USP34: variants seen among roughly 807,000 people sequenced by gnomAD.
USP34 encodes the protein ubiquitin specific peptidase 34, also known as ubiquitin carboxyl-terminal hydrolase 34.
Under a neutral mutation model 460.3 loss-of-function variants are expected in USP34, and 70 were observed. The observed-to-expected ratio is 0.15, with a 90% CI of 0.13 to 0.19. The LOEUF is 0.19. Among genes scored for constraint, USP34 ranks in the 10% least tolerant of loss-of-function variants. The pLI is 1.00. For missense variants in USP34, 3,985 were observed against 4,236.2 expected (o/e 0.94, Z 1.65); for synonymous variants, 1,647 against 1,405.3 (o/e 1.17, Z -3.85).
intron 1 of USP34, among the ~76,000 whole-genome samples, chr2:61,429,049 G>A (rs1412563743): frequency 6.6e-6 from 1 of 152,142 alleles, no homozygotes; most frequent in Non-Finnish European, 1.5e-5. Flanking sequence ...AAATAAAAAG[G>A]ATGCGCTTTG....
intron 70 of USP34, chr2:61,207,593 T>C (rs914701202): frequency 6.6e-6 from 1 of 152,202 alleles, no homozygotes; most frequent in Non-Finnish European, 1.5e-5. Flanking sequence ...GAAACCAGTA[T>C]GTCTTGTTCA....
intron 2 of USP34, among the ~76,000 whole-genome samples, chr2:61,411,043 A>G (rs1170032855): frequency 2.6e-5 from 4 of 152,174 alleles, no homozygotes; most frequent in East Asian, 1.9e-4. Context: ...AGTTTTTTCT[A>G]TACATAATGA....
Position 61,190,222 on chromosome 2 carries a change from C to T in USP34, c.9873+49G>A, listed in dbSNP as rs201281702. 1.7e-4 allele frequency: 263 copies of T among 1,549,250 alleles called. No homozygotes were observed. The African/African-American group carries it at 3.4e-3, about 20-fold the overall frequency. Reference sequence around the variant, plus strand: ...AATCATATGAAGGCCACACAGTTAACTGAAGGACAGTTTAAAAGTGTGTGC... The same window carrying T: ...AATCATATGAAGGCCACACAGTTAATTGAAGGACAGTTTAAAAGTGTGTGC... On this transcript the variant is annotated intron_variant, in intron 78 of 79. Transcript: ENST00000398571.
intron 41 of USP34, among the ~76,000 whole-genome samples, chr2:61,267,838 G>T (rs1689097932): frequency 6.6e-6 from 1 of 151,910 alleles, no homozygotes; most frequent in South Asian, 2.1e-4. Context: ...GGATGGTCTC[G>T]ATCTCCCGAC....
At chr2:61,446,797 A>T (rs1573051329) in intron 1 of USP34, among the ~76,000 whole-genome samples, 1 of 19,212 alleles carries the variant, frequency 5.2e-5, no homozygotes. Flanking sequence ...CTCCACATCA[A>T]AAAAAAAAAA....
At chr2:61,256,555 T>C in intron 47 of USP34, 77 bp from the exon 48 acceptor site, 3 of 1,198,198 alleles carry the variant, frequency 2.5e-6, no homozygotes, top group East Asian at 5.5e-5. Flanking sequence ...GCAATTACAA[T>C]TTTGACAGAA....
intron 20 of USP34, 74 bp from the exon 21 acceptor site, chr2:61,325,531 G>A: frequency 1.2e-6 from 1 of 855,716 alleles, no homozygotes; most frequent in South Asian, 2.8e-5. Context: ...GTGGTCCTAT[G>A]CATAACTTAT....
At chr2:61,257,143 G>A in intron 45 of USP34, 35 bp from the exon 46 acceptor site, 1 of 1,578,952 alleles carries the variant, frequency 6.3e-7, no homozygotes, top group East Asian at 2.2e-5. Context: ...TAAGAAACTA[G>A]TTAAAACGCA....
chr2:61,258,050 G>A (rs1386313177), intron 44 of USP34, among the ~76,000 whole-genome samples: 1 of 152,070 alleles, frequency 6.6e-6, no homozygotes, highest in Non-Finnish European at 1.5e-5. Context: ...GGCACTTGCA[G>A]CTCTGTTAAA....
chr2:61,243,946 A>G (rs964745850), intron 51 of USP34, among the ~76,000 whole-genome samples: 8 of 151,976 alleles, frequency 5.3e-5, no homozygotes, highest in African/African-American at 1.9e-4. Context: ...CAGTAACTCA[A>G]TATTTACTTC....
intron 16 of USP34, among the ~76,000 whole-genome samples, chr2:61,343,232 T>G (rs1691660690): frequency 6.6e-6 from 1 of 152,218 alleles, no homozygotes; most frequent in Non-Finnish European, 1.5e-5. Context: ...ACTTTCTTAT[T>G]TTTTCTTGCT....
At chr2:61,360,968 T>C (rs1692259447) in intron 10 of USP34, among the ~76,000 whole-genome samples, 1 of 152,186 alleles carries the variant, frequency 6.6e-6, no homozygotes, top group Admixed American at 6.5e-5. Context: ...CCAGCCTCAA[T>C]GGCATTCCTT....
intron 1 of USP34, among the ~76,000 whole-genome samples, chr2:61,422,595 A>G (rs1289068489): frequency 6.6e-6 from 1 of 152,232 alleles, no homozygotes; most frequent in East Asian, 1.9e-4. Context: ...CACAATTTCT[A>G]TTCAACACAG....
rs1693861052 is a variant in USP34, at chr2:61,406,046, C to A, written c.214G>T (p.Ala72Ser). ...VVCALINLVI[A>S]QVQVLRDQLC... ...TGGTCCCGGAGCACTTGAACTTGGGCAATCACTAAGTTAATAAGTGCACAC... is the reference window on the plus strand; with the variant it reads ...TGGTCCCGGAGCACTTGAACTTGGGAAATCACTAAGTTAATAAGTGCACAC... The change falls in exon 3 of 80, where the codon GCC becomes TCC. Residue 72 changes from alanine (A) to serine (S), a missense_variant. Ala to Ser is a moderately conservative substitution (Grantham distance 99, BLOSUM62 1). Transcript: ENST00000398571. The A allele has an allele frequency of 1.2e-6, 2 of 1,613,594 alleles. No homozygotes were observed. The highest frequency in any genetic ancestry group is 1.7e-6 in the Non-Finnish European group (2 of 1,179,926).
At chr2:61,369,810 T>C (rs1169074083) in intron 10 of USP34, among the ~76,000 whole-genome samples, 1 of 149,968 alleles carries the variant, frequency 6.7e-6, no homozygotes, top group Non-Finnish European at 1.5e-5. Context: ...GCTACATTTG[T>C]GAAAAAGAAA....
intron 15 of USP34, among the ~76,000 whole-genome samples, chr2:61,346,002 G>C (rs1691755913): frequency 6.6e-6 from 1 of 151,956 alleles, no homozygotes; most frequent in Non-Finnish European, 1.5e-5. Flanking sequence ...CACATTATTT[G>C]GTATATTTCA....
At chr2:61,351,303 G>A (rs973903988) in intron 10 of USP34, among the ~76,000 whole-genome samples, 14 of 152,068 alleles carry the variant, frequency 9.2e-5, no homozygotes, top group African/African-American at 3.4e-4. Flanking sequence ...TTTATATAAT[G>A]CTTTTATTTT....
intron 3 of USP34, among the ~76,000 whole-genome samples, chr2:61,398,454 G>A (rs1488421896): frequency 1.5e-5 from 2 of 132,702 alleles, no homozygotes; most frequent in Non-Finnish European, 3.2e-5. Flanking sequence ...GAAAGTGGGG[G>A]AAGGACGGAG....
intron 51 of USP34, among the ~76,000 whole-genome samples, chr2:61,244,340 G>A (rs949055332): frequency 3.9e-5 from 6 of 152,138 alleles, no homozygotes; most frequent in African/African-American, 1.2e-4. Context: ...TGTTGGCTAG[G>A]TGCCATGGCT....
Sources: gnomAD v4.1 joint callset for allele counts (sites outside exome capture counted in the v4.1 genomes callset) on GRCh38, gnomAD v4.1.1 for gene constraint, MANE v1.5 for transcripts, NCBI Gene and HGNC (gene_info 2026-07-23, HGNC 2026-07-21) for gene names.